SNX29: variants seen among roughly 807,000 people sequenced by gnomAD.
The protein encoded by SNX29 is sorting nexin 29, also known as sorting nexin-29.
In SNX29, 78 loss-of-function variants were observed where a neutral mutation model predicts 102.1. The ratio of observed to expected loss-of-function variants is 0.76; its 90% CI spans 0.64 to 0.92. The LOEUF (loss-of-function observed/expected upper bound fraction) is 0.92, where lower values mean the gene tolerates loss of function less well. SNX29 is among the 40% of genes least tolerant of loss of function. SNX29 has a pLI of 0.00. For missense variants in SNX29, 1,280 were observed against 1,061.7 expected (o/e 1.21, Z -2.86); for synonymous variants, 580 against 414.5 (o/e 1.40, Z -4.85).
intron 17 of SNX29, among the ~76,000 whole-genome samples, chr16:12,400,285 C>T (rs756034964): frequency 3.9e-5 from 6 of 152,194 alleles, no homozygotes; most frequent in South Asian, 2.1e-4. Context: ...CTGGCAGTTC[C>T]GCTCCTCTAA....
intron 18 of SNX29, among the ~76,000 whole-genome samples, chr16:12,471,302 T>G (rs1272314996): frequency 3.9e-5 from 6 of 152,224 alleles, no homozygotes; most frequent in African/African-American, 1.4e-4. Context: ...GAATGTTGAC[T>G]GCTTGGTGGT....
At chr16:12,435,691 C>A in intron 18 of SNX29, among the ~76,000 whole-genome samples, 1 of 152,222 alleles carries the variant, frequency 6.6e-6, no homozygotes, top group East Asian at 1.9e-4. Flanking sequence ...GGGTCCTCAG[C>A]CTTGTGGGGT....
intron 20 of SNX29, chr16:12,527,187 G>A (rs1174217212): frequency 7.5e-6 from 4 of 532,582 alleles, no homozygotes; most frequent in African/African-American, 1.9e-5. Context: ...ATTACAGGTC[G>A]GAATGTACGG....
At chr16:12,029,670 C>T (rs1393062638) in intron 4 of SNX29, 1 of 449,624 alleles carries the variant, frequency 2.2e-6, no homozygotes, top group Non-Finnish European at 4.4e-6. Context: ...CAGCTCACTG[C>T]AACCTCTGCC....
chr16:12,568,424 TCA>T, intron 20 of SNX29, 80 bp from the exon 21 acceptor site: 3 of 1,569,036 alleles, frequency 1.9e-6, no homozygotes, highest in East Asian at 2.3e-5. Context: ...CCTCCTGCCC[TCA>T]CACCTGGCTC....
At chr16:12,383,776 T>C (rs529312807) in intron 16 of SNX29, among the ~76,000 whole-genome samples, 54 of 147,848 alleles carry the variant, frequency 3.7e-4, no homozygotes, top group East Asian at 7.8e-4. Context: ...AACTTTCTTT[T>C]TTTTTTTTTT....
At chr16:12,060,777 A>G (rs2050740494) in intron 8 of SNX29, 1 of 456,184 alleles carries the variant, frequency 2.2e-6, no homozygotes, top group South Asian at 1.5e-5. Context: ...TTACTCCCAA[A>G]CAAACCCAAC....
chr16:12,565,921 A>T (rs62028660), intron 20 of SNX29, among the ~76,000 whole-genome samples: 15 of 152,138 alleles, frequency 9.9e-5, no homozygotes, highest in African/African-American at 1.4e-4. Flanking sequence ...GATCCACCAC[A>T]GCCATCTGTC....
At chr16:12,484,762 T>A (rs534719678) in intron 19 of SNX29, among the ~76,000 whole-genome samples, 2 of 152,334 alleles carry the variant, frequency 1.3e-5, no homozygotes, top group African/African-American at 4.8e-5. Context: ...CAGAGGCCTT[T>A]CCTGACACCC....
Position 12,569,594 on chromosome 16 carries a change from G to C in SNX29, c.*965G>C, listed in dbSNP as rs1025972586. ...ACTAAAAACATTTTCCATCCCGTCTGCCCCCGACATTGTCCTTGATAACAG... is the reference window on the plus strand; with the variant it reads ...ACTAAAAACATTTTCCATCCCGTCTCCCCCCGACATTGTCCTTGATAACAG... On this transcript the variant is annotated 3_prime_UTR_variant, in exon 21 of 21. Transcript: ENST00000566228. The C allele has an allele frequency of 7.0e-5, 16 of 229,580 alleles. No individual in the cohort carries two copies. Among genetic ancestry groups the C allele is most frequent in the Admixed American group, 5.1e-4 (9 of 17,562 alleles). 14.2% of individuals were successfully genotyped at this position (229,580 alleles called of 1,614,324 possible). A position where few individuals can be genotyped will look rare whatever the true frequency, so the allele number is the denominator to read the frequency against.
At chr16:12,148,708 T>G (rs2055168963) in intron 13 of SNX29, among the ~76,000 whole-genome samples, 1 of 152,146 alleles carries the variant, frequency 6.6e-6, no homozygotes, top group Non-Finnish European at 1.5e-5. Context: ...TTTTATTTTA[T>G]TTTTCTGAGG....
At chr16:12,553,876 C>T (rs1012361487) in intron 20 of SNX29, among the ~76,000 whole-genome samples, 4 of 151,948 alleles carry the variant, frequency 2.6e-5, no homozygotes, top group African/African-American at 9.7e-5. Flanking sequence ...TGGAGTCTCA[C>T]TCTTTTGCCT....
intron 20 of SNX29, chr16:12,557,670 C>G (rs370247336): frequency 6.6e-6 from 1 of 151,840 alleles, no homozygotes; most frequent in East Asian, 1.9e-4. Flanking sequence ...CCCAAAAAAT[C>G]TTTTTGATGA....
At chr16:12,288,206 A>G (rs1271658758) in intron 15 of SNX29, among the ~76,000 whole-genome samples, 2 of 152,114 alleles carry the variant, frequency 1.3e-5, no homozygotes, top group Non-Finnish European at 2.9e-5. Context: ...ACTACTAGCT[A>G]AAACAGGACT....
chr16:12,524,699 C>G lies in SNX29; in HGVS notation c.2179-3C>G. ...AAAGCGAAGATGTTTTGTGTTTCCT[C>G]AGGATGCCAAGTTTGTGGAGGAACG... On this transcript the variant is annotated splice_polypyrimidine_tract_variant and splice_region_variant and intron_variant, in intron 19 of 20. Coordinates refer to ENST00000566228, the MANE Select transcript of SNX29 (RefSeq NM_032167.5). 6.2e-7 allele frequency: 1 copy of G among 1,612,790 alleles called. No homozygotes were observed. Among genetic ancestry groups the G allele is most frequent in the South Asian group, 1.1e-5 (1 of 91,000 alleles).
chr16:12,442,209 T>G (rs145839073), intron 18 of SNX29, among the ~76,000 whole-genome samples: 121 of 152,354 alleles, frequency 7.9e-4, no homozygotes, highest in African/African-American at 2.8e-3. Flanking sequence ...TTGGCACTCT[T>G]GTCAAAAACA....
intron 14 of SNX29, among the ~76,000 whole-genome samples, chr16:12,258,128 G>C (rs1226486403): frequency 6.6e-6 from 1 of 152,158 alleles, no homozygotes; most frequent in East Asian, 1.9e-4. Flanking sequence ...TCAGCAAACA[G>C]GTCACAGCTC....
intron 20 of SNX29, among the ~76,000 whole-genome samples, chr16:12,539,218 G>C (rs563419837): frequency 1.6e-4 from 24 of 152,276 alleles, no homozygotes; most frequent in African/African-American, 4.6e-4. Flanking sequence ...TCACCGTCAA[G>C]ATATAGACCA....
At chr16:12,435,254 A>G (rs947494760) in intron 18 of SNX29, among the ~76,000 whole-genome samples, 3 of 152,176 alleles carry the variant, frequency 2.0e-5, no homozygotes, top group African/African-American at 7.2e-5. Flanking sequence ...GATAGGACCC[A>G]TCTGGTCTTA....
Sources: allele counts gnomAD v4.1 joint callset (sites outside exome capture counted in the v4.1 genomes callset), GRCh38; gene constraint gnomAD v4.1.1; transcripts MANE v1.5; gene names NCBI Gene and HGNC (gene_info 2026-07-23, HGNC 2026-07-21).